Variants in PLEKHA5 observed in about 807,000 individuals in gnomAD.
PLEKHA5 encodes the protein pleckstrin homology domain containing A5, also known as pleckstrin homology domain-containing family A member 5.
Under a neutral mutation model 181.9 loss-of-function variants are expected in PLEKHA5, and 55 were observed. The observed-to-expected ratio is 0.30, with a 90% CI of 0.24 to 0.38. The LOEUF is 0.38. Ranked by LOEUF, PLEKHA5 falls within the 10% of genes least tolerant of loss-of-function variation. The pLI, the probability that PLEKHA5 is intolerant of heterozygous loss-of-function variation, is 1.00. For synonymous variants in PLEKHA5, 535 were observed against 529.4 expected (o/e 1.01, Z -0.15); for missense variants, 1,432 against 1,549.5 (o/e 0.92, Z 1.27).
chr12:19,317,372 A>G (rs1362855937), intron 16 of PLEKHA5, among the ~76,000 whole-genome samples: 1 of 147,274 alleles, frequency 6.8e-6, no homozygotes, highest in Admixed American at 6.7e-5. Context: ...TTTTTTTTTT[A>G]AGCATTCTGT....
chr12:19,248,937 G>A (rs571420358), intron 3 of PLEKHA5, among the ~76,000 whole-genome samples: 1 of 152,296 alleles, frequency 6.6e-6, no homozygotes, highest in East Asian at 1.9e-4. Flanking sequence ...CATTTATCAA[G>A]TGCTTATTAT....
chr12:19,250,845 C>G (rs1463080221), intron 3 of PLEKHA5, among the ~76,000 whole-genome samples: 3 of 151,784 alleles, frequency 2.0e-5, no homozygotes, highest in Non-Finnish European at 2.9e-5. Context: ...GCATGTGTGT[C>G]CCTAAAAATC....
intron 3 of PLEKHA5, among the ~76,000 whole-genome samples, chr12:19,241,208 A>G (rs150939651): frequency 2.6e-5 from 4 of 152,302 alleles, no homozygotes; most frequent in Admixed American, 6.5e-5. Context: ...TGAGGACTCT[A>G]TTAGATCCAG....
intron 3 of PLEKHA5, among the ~76,000 whole-genome samples, chr12:19,175,070 T>A (rs2151742503): frequency 6.6e-6 from 1 of 152,296 alleles, no homozygotes; most frequent in African/African-American, 2.4e-5. Flanking sequence ...AATGGCCAAT[T>A]TTTTAGAAGA....
Position 19,283,299 on chromosome 12 carries a change from T to G in PLEKHA5, c.1333T>G (p.Leu445Val). 1 of 1,606,630 alleles carries G rather than the reference T, an allele frequency of 6.2e-7. No individual in the cohort carries two copies. Among genetic ancestry groups the G allele is most frequent in the Non-Finnish European group, 8.5e-7 (1 of 1,176,108 alleles). ...ETRGVISYQT[L>V]PRNMPSHRAQ... is the part of the protein sequence containing the mutation. ...TTTTAGAGTAATTTCTTACCAAACA[T>G]TACCAAGAAATATGCCAAGTCACAG... The change falls in exon 12 of 32, where the codon TTA becomes GTA. Residue 445 changes from leucine (L) to valine (V), a missense_variant. Leu to Val is a conservative substitution (Grantham distance 32). Transcript: ENST00000429027.
At chr12:19,306,535 G>C (rs1301348995) in intron 15 of PLEKHA5, 1 of 746,284 alleles carries the variant, frequency 1.3e-6, no homozygotes, top group Non-Finnish European at 2.5e-6. Flanking sequence ...AGAACGCCGC[G>C]AGCAGCGCCG....
chr12:19,146,099 A>G (rs927396128), intron 3 of PLEKHA5, among the ~76,000 whole-genome samples: 4 of 152,224 alleles, frequency 2.6e-5, no homozygotes, highest in East Asian at 1.9e-4. Flanking sequence ...ACATTTGCCA[A>G]TCACATTCAG....
intron 21 of PLEKHA5, among the ~76,000 whole-genome samples, chr12:19,340,867 A>G (rs542389176): frequency 6.7e-6 from 1 of 149,396 alleles, no homozygotes; most frequent in Non-Finnish European, 1.5e-5. Flanking sequence ...TTGTTCACTT[A>G]TCTGCTGACC....
At chr12:19,211,429 C>T (rs1418664404) in intron 3 of PLEKHA5, among the ~76,000 whole-genome samples, 1 of 152,024 alleles carries the variant, frequency 6.6e-6, no homozygotes, top group Admixed American at 6.6e-5. Context: ...TTTCAGAGAG[C>T]AGCGTGACTC....
intron 26 of PLEKHA5, among the ~76,000 whole-genome samples, chr12:19,354,966 ATGTGTCC>A (rs1383291356): frequency 2.0e-5 from 3 of 152,142 alleles, no homozygotes; most frequent in Admixed American, 6.6e-5. Flanking sequence ...AGAGGTATAG[ATGTGTCC>A]TGTGGCCTCC....
chr12:19,267,817 G>A (rs2071033936), intron 8 of PLEKHA5, among the ~76,000 whole-genome samples: 1 of 151,296 alleles, frequency 6.6e-6, no homozygotes, highest in South Asian at 2.1e-4. Context: ...TACAAAATTA[G>A]CCAGGTATGG....
At chr12:19,247,139 A>G (rs1008825240) in intron 3 of PLEKHA5, among the ~76,000 whole-genome samples, 4 of 152,220 alleles carry the variant, frequency 2.6e-5, no homozygotes, top group African/African-American at 4.8e-5. Flanking sequence ...TACGAAAAGT[A>G]TCTTCCTTTA....
rs1175756583 is a variant in PLEKHA5 at position 19,274,765 on chromosome 12, C to T, written c.1095C>T (p.Cys365=). 7 of 1,613,988 alleles carry T rather than the reference C, an allele frequency of 4.3e-6. No homozygotes were observed. Among genetic ancestry groups the T allele is most frequent in the Non-Finnish European group, 5.9e-6 (7 of 1,179,994 alleles). ...LPSEYESGSA[C]PAQTVHYRPI... Reference sequence around the variant, plus strand: ...CTGAATATGAGAGTGGGTCAGCATGCCCTGCTCAGACTGTGCACTACAGAC... The same window carrying T: ...CTGAATATGAGAGTGGGTCAGCATGTCCTGCTCAGACTGTGCACTACAGAC... Residue 365 remains cysteine (C), a synonymous_variant, in exon 11 of 32, where the codon TGC becomes TGT. Transcript: ENST00000429027.
rs2082949940 is a variant in PLEKHA5 at position 19,305,385 on chromosome 12, A to C, written c.2038-9429A>C. 2.0e-5 allele frequency among the ~76,000 whole-genome samples: 3 copies of C among 151,654 alleles called. No individual in the cohort carries two copies. In the South Asian group the frequency reaches 6.3e-4, roughly 32 times the overall value. On this transcript the variant is annotated intron_variant, in intron 15 of 31. Transcript: ENST00000429027. Reference sequence around the variant, plus strand: ...AGACCAGCCTGACCAACATGGTAAAACTCCGTCTCTACTAAAAATACAAAA... The same window carrying C: ...AGACCAGCCTGACCAACATGGTAAACCTCCGTCTCTACTAAAAATACAAAA...
chr12:19,316,154 G>T (rs2088596041), intron 16 of PLEKHA5, among the ~76,000 whole-genome samples: 1 of 151,788 alleles, frequency 6.6e-6, no homozygotes, highest in Non-Finnish European at 1.5e-5. Context: ...AGTGTCTGAA[G>T]CTGTCAGTAA....
chr12:19,313,946 C>A (rs972008652), intron 15 of PLEKHA5, among the ~76,000 whole-genome samples: 2 of 151,972 alleles, frequency 1.3e-5, no homozygotes, highest in Non-Finnish European at 2.9e-5. Context: ...TTGTCAACCA[C>A]GATAGAAATG....
intron 3 of PLEKHA5, among the ~76,000 whole-genome samples, chr12:19,208,264 C>CT (rs2152128980): frequency 2.6e-5 from 1 of 39,160 alleles, no homozygotes; most frequent in Admixed American, 3.6e-4. Context: ...CAAAAATTAG[C>CT]TGGCATGGTG....
intron 28 of PLEKHA5, among the ~76,000 whole-genome samples, chr12:19,359,790 C>T (rs536188109): frequency 1.9e-4 from 29 of 151,152 alleles, no homozygotes; most frequent in African/African-American, 5.3e-4. Flanking sequence ...GGTAAAACCC[C>T]GTCTCTACTA....
intron 13 of PLEKHA5, among the ~76,000 whole-genome samples, chr12:19,287,849 C>T (rs1001492336): frequency 3.3e-5 from 5 of 152,080 alleles, no homozygotes; most frequent in Non-Finnish European, 5.9e-5. Context: ...GAGGCCAAGG[C>T]AGGCGGATCG....
Sources: allele counts gnomAD v4.1 joint callset (sites outside exome capture counted in the v4.1 genomes callset), GRCh38; gene constraint gnomAD v4.1.1; transcripts MANE v1.5; gene names NCBI Gene and HGNC (gene_info 2026-07-23, HGNC 2026-07-21).